The following MAP3K6 variants were observed in gnomAD, a reference collection of about 807,000 sequenced individuals.
MAP3K6 encodes the protein mitogen-activated protein kinase kinase kinase 6, also known as apoptosis signal-regulating kinase 2.
Under a neutral mutation model 147.1 loss-of-function variants are expected in MAP3K6, and 105 were observed. That is an observed-to-expected ratio of 0.71 (90% CI 0.61 to 0.84). The LOEUF is 0.84. Among genes scored for constraint, MAP3K6 ranks in the 40% least tolerant of loss-of-function variants. The probability of loss-of-function intolerance (pLI) is 0.00; values close to 1 mark genes in which losing one functional copy is unlikely to be tolerated. For missense variants in MAP3K6, 1,569 were observed against 1,715.0 expected (o/e 0.91, Z 1.50); for synonymous variants, 695 against 732.4 (o/e 0.95, Z 0.82).
At position 27,363,547 on chromosome 1, in the gene MAP3K6, T is replaced by A. The variant is rs1278850791; in HGVS notation, c.866A>T (p.Asp289Val). 3.7e-6 allele frequency: 6 copies of A among 1,606,862 alleles called. No individual in the cohort carries two copies. Among genetic ancestry groups the A allele is most frequent in the African/African-American group, 1.3e-5 (1 of 74,640 alleles). Residue 289 changes from aspartate (D) to valine (V), a missense_variant and splice_region_variant, in exon 6 of 29, where the codon GAC becomes GTC. Asp to Val is a radical substitution (Grantham distance 152). Coordinates refer to ENST00000357582, the MANE Select transcript of MAP3K6 (RefSeq NM_004672.5). ...CACCAGCTCAATGATGGCCGAGTAG[T>A]CCTGCATCAGGGAACGGCAAGCACT... The part of the protein sequence containing the change: ...NLLLSYRDVQ[D>V]YSAIIELVET...
At chr1:27,363,322 AC>A (rs2148058171) in intron 6 of MAP3K6, 119 bp downstream of exon 6, 2 of 823,820 alleles carry the variant, frequency 2.4e-6, no homozygotes, top group Non-Finnish European at 3.8e-6. Flanking sequence ...GACATCAGTG[AC>A]CCCGGTCAGC....
Position 27,358,064 on chromosome 1 carries a change from C to T in MAP3K6, c.2915+117G>A. The T allele has an allele frequency of 6.6e-7, 1 of 1,506,970 alleles. No individual in the cohort carries two copies. Among genetic ancestry groups the T allele is most frequent in the Non-Finnish European group, 8.9e-7 (1 of 1,129,010 alleles). The allele number at this position is 1,506,970 out of a possible 1,614,324, so 93.3% of individuals were successfully genotyped here. ...GCCAGAACAGGGCATGGGGAGGCAC[C>T]AAATGCCACATTCACAAGTGGTCAA... On this transcript the variant is annotated intron_variant, in intron 21 of 28. Transcript: ENST00000357582. The surrounding 1 kb of genome is among the most constrained non-coding windows in gnomAD (Gnocchi z 6.2).
intron 1 of MAP3K6, among the ~76,000 whole-genome samples, chr1:27,365,868 T>C (rs1223309641): frequency 1.3e-5 from 2 of 151,346 alleles, no homozygotes; most frequent in Admixed American, 6.6e-5. Flanking sequence ...CGCGTGACAT[T>C]CTCCTGAGGG....
At position 27,366,262 on chromosome 1, in the gene MAP3K6, G is replaced by A; in HGVS notation, c.336C>T (p.Asn112=). Residue 112 remains asparagine (N), a synonymous_variant, in exon 1 of 29, where the codon AAC becomes AAT. Coordinates refer to ENST00000357582, the MANE Select transcript of MAP3K6 (RefSeq NM_004672.5). This position sits in a 1 kb window ranked among gnomAD's most constrained non-coding sequence, Gnocchi z 5.5. ...GDTAALDAFY[N]ADVVVLEVSS... ...CCCCGCCCCCAGCGCTCTCACCCGC[G>A]TTGTAGAAGGCATCCAGAGCCGCGG... The A allele has an allele frequency of 7.5e-7, 1 of 1,330,614 alleles. No homozygotes were observed. Among genetic ancestry groups the A allele is most frequent in the Non-Finnish European group, 9.6e-7 (1 of 1,041,676 alleles). 82.4% of individuals were successfully genotyped at this position (1,330,614 alleles called of 1,614,324 possible).
rs1446541125 is a variant in MAP3K6 at position 27,366,153 on chromosome 1, C to G, written c.340+105G>C. The stretch of plus-strand genomic sequence containing the variant: ...TTTAGCTCACTTTAAGTCCCCTAGA[C>G]CCGGTACCCCTCTCGGCCCCTCCCT... On this transcript the variant is annotated intron_variant, in intron 1 of 28. Transcript: ENST00000357582. This position sits in a 1 kb window ranked among gnomAD's most constrained non-coding sequence, Gnocchi z 5.5. The G allele has an allele frequency of 7.8e-6, 9 of 1,160,014 alleles. No homozygotes were observed. The highest frequency in any genetic ancestry group is 4.3e-5 in the Admixed American group (1 of 23,296). The allele number at this position is 1,160,014 out of a possible 1,614,324, so 71.9% of individuals were successfully genotyped here. A position where few individuals can be genotyped will look rare whatever the true frequency, so the allele number is the denominator to read the frequency against.
rs1431193473 is a variant in MAP3K6 at position 27,360,946 on chromosome 1, G to A, written c.1895C>T (p.Ala632Val). The stretch of plus-strand genomic sequence containing the variant: ...CTCCAACATCTCCCCCGCGCCCTCC[G>A]CCTCCTCCGCGGGCGCCGTGGAATC... Reference protein sequence around the residue: ...NPDSTAPAEEAEGAGEMLEFD... With the variant: ...NPDSTAPAEEVEGAGEMLEFD... Residue 632 changes from alanine (A) to valine (V), a missense_variant, in exon 14 of 29, where the codon GCG becomes GTG. By Grantham distance (64) the Ala-to-Val change is moderately conservative. Transcript: ENST00000357582. This position sits in a 1 kb window ranked among gnomAD's most constrained non-coding sequence, Gnocchi z 4.5. 4 of 1,607,240 alleles carry A rather than the reference G, an allele frequency of 2.5e-6. No homozygotes were observed. The highest frequency in any genetic ancestry group is 3.4e-5 in the Admixed American group (2 of 59,540).
chr1:27,358,559 G>A lies in MAP3K6; in HGVS notation c.2636C>T (p.Ala879Val), dbSNP rs757330988. ...AAAAGTTCGGAGGAGAAAGGCTTGG[G>A]CCTCGGCCGACAGAGAGCTGGGCAT... ...PPMPSSLSAEAQAFLLRTFEP... is the reference protein window; with the variant it reads ...PPMPSSLSAEVQAFLLRTFEP... Residue 879 changes from alanine (A) to valine (V), a missense_variant, in exon 20 of 29, where the codon GCC (alanine) becomes GTC (valine). Transcript: ENST00000357582. The surrounding 1 kb of genome is among the most constrained non-coding windows in gnomAD (Gnocchi z 6.2). The A allele has an allele frequency of 1.9e-6, 3 of 1,613,306 alleles. No homozygotes were observed. The highest frequency in any genetic ancestry group is 3.3e-5 in the Admixed American group (2 of 59,730).
rs2015692767 is a variant in MAP3K6 at position 27,360,167 on chromosome 1, G to A, written c.2182+74C>T. 1.3e-6 allele frequency: 2 copies of A among 1,595,488 alleles called. No individual in the cohort carries two copies. Among genetic ancestry groups the A allele is most frequent in the African/African-American group, 1.3e-5 (1 of 74,712 alleles). ...GCACTAGGGTGCATTTCCCCCTAGG[G>A]CTCTCTACCCCTGCCTGCCTCGGTC... is the stretch of plus-strand genomic sequence containing the variant. On this transcript the variant is annotated intron_variant, in intron 16 of 28. Coordinates refer to ENST00000357582, the MANE Select transcript of MAP3K6 (RefSeq NM_004672.5). This position sits in a 1 kb window ranked among gnomAD's most constrained non-coding sequence, Gnocchi z 4.5.
At chr1:27,362,614 G>T in intron 8 of MAP3K6, 27 bp downstream of exon 8, 2 of 1,518,500 alleles carry the variant, frequency 1.3e-6, no homozygotes, top group South Asian at 1.2e-5. Flanking sequence ...TGTGGGTGAC[G>T]AGACAAGAGC....
At position 27,360,564 on chromosome 1, in the gene MAP3K6, G is replaced by T. The variant is rs2015710894; in HGVS notation, c.2054+141C>A. 2.9e-6 allele frequency: 4 copies of T among 1,395,450 alleles called. No individual in the cohort carries two copies. In the East Asian group the frequency reaches 7.6e-5, roughly 27 times the overall value. The allele number at this position is 1,395,450 out of a possible 1,614,324, so 86.4% of individuals were successfully genotyped here. A position where few individuals can be genotyped will look rare whatever the true frequency, so the allele number is the denominator to read the frequency against. ...GCACGGTCCTGGCTGTTCCGCCCAC[G>T]GGCCCAGTCCACAGGGCTCGAACTC... On this transcript the variant is annotated intron_variant, in intron 15 of 28. Coordinates refer to ENST00000357582, the MANE Select transcript of MAP3K6 (RefSeq NM_004672.5). This position sits in a 1 kb window ranked among gnomAD's most constrained non-coding sequence, Gnocchi z 4.5.
intron 5 of MAP3K6, 133 bp from the exon 6 acceptor site, chr1:27,363,681 C>T (rs2015868487): frequency 1.2e-6 from 1 of 800,582 alleles, no homozygotes; most frequent in East Asian, 2.7e-5. Context: ...GCCCAGCGGA[C>T]ACACCTCACA....
chr1:27,360,943 T>C lies in MAP3K6; in HGVS notation c.1898A>G (p.Glu633Gly), dbSNP rs1419796560. ...CACCTCCAACATCTCCCCCGCGCCC[T>C]CCGCCTCCTCCGCGGGCGCCGTGGA... ...PDSTAPAEEA[E>G]GAGEMLEFDY... Residue 633 changes from glutamate (E) to glycine (G), a missense_variant, in exon 14 of 29, where the codon GAG becomes GGG. Transcript: ENST00000357582. The surrounding 1 kb of genome is among the most constrained non-coding windows in gnomAD (Gnocchi z 4.5). The C allele has an allele frequency of 6.2e-7, 1 of 1,607,124 alleles. No individual in the cohort carries two copies. Among genetic ancestry groups the C allele is most frequent in the Non-Finnish European group, 8.5e-7 (1 of 1,176,628 alleles).
rs1164238453 is a variant in MAP3K6 at position 27,366,083 on chromosome 1, C to A, written c.340+175G>T. On this transcript the variant is annotated intron_variant, in intron 1 of 28. Transcript: ENST00000357582. This position sits in a 1 kb window ranked among gnomAD's most constrained non-coding sequence, Gnocchi z 5.5. Reference sequence around the variant, plus strand: ...CCCGAGCCCGGCCGCGCCCCAGATCCCCTAAATCCCACTTTTTTCACGGCC... The same window carrying A: ...CCCGAGCCCGGCCGCGCCCCAGATCACCTAAATCCCACTTTTTTCACGGCC... Among the ~76,000 whole-genome samples the A allele has an allele frequency of 6.6e-6, 1 of 152,096 alleles. No individual in the cohort carries two copies. The highest frequency in any genetic ancestry group is 1.5e-5 in the Non-Finnish European group (1 of 68,008).
intron 27 of MAP3K6, 78 bp downstream of exon 27, chr1:27,355,948 G>C: frequency 8.0e-7 from 1 of 1,243,364 alleles, no homozygotes; most frequent in Non-Finnish European, 1.1e-6. Flanking sequence ...AGAGGGCACA[G>C]TAGAAGAGCA....
rs900626269 is a variant in MAP3K6, at chr1:27,366,391, C to G, written c.207G>C (p.Pro69=). The change falls in exon 1 of 29, where the codon CCG becomes CCC. Residue 69 remains proline (P), a synonymous_variant. Coordinates refer to ENST00000357582, the MANE Select transcript of MAP3K6 (RefSeq NM_004672.5). The surrounding 1 kb of genome is among the most constrained non-coding windows in gnomAD (Gnocchi z 5.5). ...LEPREGTEAE[P]LPLRCLREAC... Reference sequence around the variant, plus strand: ...CCTCGCGCAGGCAGCGCAGGGGCAGCGGCTCCGCCTCGGTTCCCTCCCGAG... The same window carrying G: ...CCTCGCGCAGGCAGCGCAGGGGCAGGGGCTCCGCCTCGGTTCCCTCCCGAG... The G allele has an allele frequency of 2.5e-4, 309 of 1,249,254 alleles. No individual in the cohort carries two copies. Among genetic ancestry groups the G allele is most frequent in the Non-Finnish European group, 3.0e-4 (299 of 997,104 alleles). 77.4% of individuals were successfully genotyped at this position (1,249,254 alleles called of 1,614,324 possible). A position where few individuals can be genotyped will look rare whatever the true frequency, so the allele number is the denominator to read the frequency against.
At position 27,358,554 on chromosome 1, in the gene MAP3K6, C is replaced by T; in HGVS notation, c.2641G>A (p.Ala881Thr). 1 of 1,613,288 alleles carries T rather than the reference C, an allele frequency of 6.2e-7. No homozygotes were observed. The highest frequency in any genetic ancestry group is 8.5e-7 in the Non-Finnish European group (1 of 1,179,746). Residue 881 changes from alanine to threonine, a missense_variant, in exon 20 of 29, where the codon GCC becomes ACC. By Grantham distance (58) the Ala-to-Thr change is moderately conservative (BLOSUM62 0). Coordinates refer to ENST00000357582, the MANE Select transcript of MAP3K6 (RefSeq NM_004672.5). The surrounding 1 kb of genome is among the most constrained non-coding windows in gnomAD (Gnocchi z 6.2). ...GGCTCAAAAGTTCGGAGGAGAAAGG[C>T]TTGGGCCTCGGCCGACAGAGAGCTG... is the stretch of plus-strand genomic sequence containing the variant. Reference protein sequence around the residue: ...MPSSLSAEAQAFLLRTFEPDP... With the variant: ...MPSSLSAEAQTFLLRTFEPDP...
intron 22 of MAP3K6, 66 bp from the exon 23 acceptor site, chr1:27,357,642 G>C: frequency 6.3e-7 from 1 of 1,588,506 alleles, no homozygotes; most frequent in Non-Finnish European, 8.6e-7. Context: ...GCGGAGGTAG[G>C]GGGCGGGGAC....
Position 27,358,745 on chromosome 1 carries a change from G to A in MAP3K6, c.2547C>T (p.Phe849=). ...VIEMATGRPP[F]HELGSPQAAM... ...CAGCCTGTGGGCTCCCGAGCTCGTG[G>A]AAGGGGGGGCGACCTGTGGCCATCT... Residue 849 remains phenylalanine (F), a synonymous_variant, in exon 19 of 29, where the codon TTC becomes TTT. Transcript: ENST00000357582. The surrounding 1 kb of genome is among the most constrained non-coding windows in gnomAD (Gnocchi z 6.2). 1 of 1,614,016 alleles carries A rather than the reference G, an allele frequency of 6.2e-7. No homozygotes were observed. Among genetic ancestry groups the A allele is most frequent in the Non-Finnish European group, 8.5e-7 (1 of 1,180,000 alleles).
At chr1:27,356,312 G>A (rs920764476) in intron 26 of MAP3K6, 76 bp downstream of exon 26, 12 of 1,380,208 alleles carry the variant, frequency 8.7e-6, no homozygotes, top group Non-Finnish European at 2.0e-6. Context: ...CAAGTCAGGT[G>A]ATGAGCCCAA....
Sources: gnomAD v4.1 joint callset for allele counts (sites outside exome capture counted in the v4.1 genomes callset) on GRCh38, gnomAD v4.1.1 for gene constraint, Gnocchi (gnomAD v3.1) non-coding constraint, MANE v1.5 for transcripts, NCBI Gene and HGNC (gene_info 2026-07-23, HGNC 2026-07-21) for gene names.